PTK2: variants seen among roughly 807,000 people sequenced by gnomAD.
PTK2 encodes protein tyrosine kinase 2, also known as focal adhesion kinase 1.
PTK2 carries 45 observed loss-of-function variants against 150.1 expected under a neutral mutation model. The observed-to-expected ratio is 0.30, with a 90% CI of 0.24 to 0.38. The LOEUF (loss-of-function observed/expected upper bound fraction) is 0.38, where lower values mean the gene tolerates loss of function less well. Ranked by LOEUF, PTK2 falls within the 10% of genes least tolerant of loss-of-function variation. The pLI is 1.00. For missense variants in PTK2, 919 were observed against 1,307.3 expected (o/e 0.70, Z 4.58); for synonymous variants, 432 against 449.2 (o/e 0.96, Z 0.48).
intron 23 of PTK2, among the ~76,000 whole-genome samples, chr8:140,707,164 TAAGTGGTTGC>T (rs1161956385): frequency 2.6e-5 from 4 of 152,104 alleles, no homozygotes; most frequent in Admixed American, 2.6e-4. Context: ...AGCAAGTACA[TAAGTGGTTGC>T]CAGGGGTTGG....
intron 1 of PTK2, among the ~76,000 whole-genome samples, chr8:140,985,335 G>A (rs2100192922): frequency 6.6e-6 from 1 of 151,996 alleles, no homozygotes; most frequent in African/African-American, 2.4e-5. Flanking sequence ...ATGATCCCCA[G>A]GCTGGTCTCA....
At chr8:140,670,676 C>T (rs753304047) in intron 29 of PTK2, among the ~76,000 whole-genome samples, 5 of 151,964 alleles carry the variant, frequency 3.3e-5, no homozygotes, top group Non-Finnish European at 5.9e-5. Flanking sequence ...CAAGCCAGGG[C>T]GCTATCCTAC....
chr8:140,692,626 C>G (rs932743706), intron 26 of PTK2, among the ~76,000 whole-genome samples: 1 of 132,894 alleles, frequency 7.5e-6, no homozygotes, highest in African/African-American at 2.8e-5. Flanking sequence ...TCAAAACAAA[C>G]AAAAACAAAC....
intron 8 of PTK2, among the ~76,000 whole-genome samples, chr8:140,829,642 A>G (rs1201599278): frequency 6.6e-6 from 1 of 152,142 alleles, no homozygotes; most frequent in Non-Finnish European, 1.5e-5. Flanking sequence ...GATGGGATGT[A>G]GAATAAGATC....
intron 31 of PTK2, chr8:140,662,662 C>A: frequency 1.8e-6 from 1 of 553,738 alleles, no homozygotes; most frequent in Non-Finnish European, 3.4e-6. Context: ...GAATCACCAA[C>A]AGGAGTTGTG....
intron 2 of PTK2, among the ~76,000 whole-genome samples, chr8:140,920,034 G>C (rs1298038166): frequency 6.6e-6 from 1 of 152,044 alleles, no homozygotes; most frequent in Non-Finnish European, 1.5e-5. Flanking sequence ...TTTTACAACA[G>C]TGCAGCTTCC....
chr8:140,689,682 G>GA (rs2100021995), intron 26 of PTK2, among the ~76,000 whole-genome samples: 1 of 152,138 alleles, frequency 6.6e-6, no homozygotes, highest in African/African-American at 2.4e-5. Context: ...AAATGGTTCA[G>GA]AAAAAATGGT....
chr8:140,963,842 C>G (rs1038573023), intron 1 of PTK2, among the ~76,000 whole-genome samples: 1 of 151,994 alleles, frequency 6.6e-6, no homozygotes, highest in Non-Finnish European at 1.5e-5. Flanking sequence ...CCAGGGGGAA[C>G]AGGGAAGAGG....
At chr8:140,875,364 AC>A (rs1395471949) in intron 4 of PTK2, among the ~76,000 whole-genome samples, 1 of 152,222 alleles carries the variant, frequency 6.6e-6, no homozygotes, top group Non-Finnish European at 1.5e-5. Context: ...TAGAGAAGAA[AC>A]CATCACATCA....
chr8:140,718,924 T>A (rs2100041252), intron 22 of PTK2, among the ~76,000 whole-genome samples: 1 of 152,164 alleles, frequency 6.6e-6, no homozygotes, highest in African/African-American at 2.4e-5. Flanking sequence ...ACGCCTGTAA[T>A]CCCAGCACTT....
chr8:140,903,481 T>C (rs2100159609), intron 2 of PTK2, among the ~76,000 whole-genome samples: 1 of 152,208 alleles, frequency 6.6e-6, no homozygotes, highest in African/African-American at 2.4e-5. Flanking sequence ...GAGTTGGCTA[T>C]GCGGGCTCTT....
intron 21 of PTK2, among the ~76,000 whole-genome samples, chr8:140,736,877 G>A (rs1320419386): frequency 6.6e-6 from 1 of 152,204 alleles, no homozygotes; most frequent in Non-Finnish European, 1.5e-5. Flanking sequence ...GAAAGGAACT[G>A]TGACTTTATT....
chr8:140,869,160 G>T (rs779147055), intron 4 of PTK2, among the ~76,000 whole-genome samples: 1 of 110,636 alleles, frequency 9.0e-6, no homozygotes, highest in Non-Finnish European at 1.6e-5. Context: ...TTTTAAATCA[G>T]CTTGGTCAAT....
chr8:140,747,400 G>A (rs1385068127), intron 17 of PTK2: 1 of 122,340 alleles, frequency 8.2e-6, no homozygotes, highest in African/African-American at 3.3e-5. Context: ...TGTGGCAGGG[G>A]GGAAGAGGAA....
chr8:140,777,021 CGGACCAGTGATGTCAGAAGG>C (rs1401051152), intron 14 of PTK2, among the ~76,000 whole-genome samples: 1 of 152,168 alleles, frequency 6.6e-6, no homozygotes, highest in East Asian at 1.9e-4. Context: ...CTATCATAAG[CGGACCAGTGATGTCAGAAGG>C]GGGCTACTAA....
chr8:140,716,832 AGAACT>A lies in PTK2; in HGVS notation c.2142+761_2142+765del, dbSNP rs1385548472. 2.0e-5 allele frequency among the ~76,000 whole-genome samples: 3 copies of A among 152,230 alleles called. 1 individual carries two copies. The highest frequency in any genetic ancestry group is 7.2e-5 in the African/African-American group (3 of 41,468). On this transcript the variant is annotated intron_variant, in intron 23 of 31. Transcript: ENST00000522684. Reference sequence around the variant, plus strand: ...TCTTTTAACTTTTGAGAAAAAGAACAGAACTGGAGTATTCATGGCAAGTAACCCAG... The same window carrying A: ...TCTTTTAACTTTTGAGAAAAAGAACAGGAGTATTCATGGCAAGTAACCCAG...
In PTK2 at chr8:140,752,436, G is replaced by C. The variant is rs73369970; in HGVS notation, c.1333-120C>G. On this transcript the variant is annotated intron_variant, in intron 16 of 31. Coordinates refer to ENST00000522684, the Ensembl canonical transcript of PTK2. The stretch of plus-strand genomic sequence containing the variant: ...GTTATGGACCAGACAGAATCAGAAC[G>C]GCAAAATCTCAAGAATGAGAGGGAT... 919 of 785,070 alleles carry C rather than the reference G, an allele frequency of 1.2e-3. 10 individuals carry two copies. In the African/African-American group the frequency reaches 0.014, roughly 12 times the overall value. The allele number at this position is 785,070 out of a possible 1,614,324, so 48.6% of individuals were successfully genotyped here. A position where few individuals can be genotyped will look rare whatever the true frequency, so the allele number is the denominator to read the frequency against.
At chr8:140,726,934 A>G (rs1264111203) in intron 22 of PTK2, among the ~76,000 whole-genome samples, 1 of 152,232 alleles carries the variant, frequency 6.6e-6, no homozygotes, top group Non-Finnish European at 1.5e-5. Flanking sequence ...ATTTCAGCAT[A>G]ATGGACCAAG....
exon 18 of PTK2, chr8:140,746,857 G>C: frequency 6.5e-7 from 1 of 1,534,236 alleles, no homozygotes; most frequent in Non-Finnish European, 8.9e-7. Context: ...CTGACGCATT[G>C]TTACTAGGAA....
Sources: gnomAD v4.1 joint callset for allele counts (sites outside exome capture counted in the v4.1 genomes callset) on GRCh38, gnomAD v4.1.1 for gene constraint, MANE v1.5 for transcripts, NCBI Gene and HGNC (gene_info 2026-07-23, HGNC 2026-07-21) for gene names.